CPNE8: variants seen among roughly 807,000 people sequenced by gnomAD.
The protein encoded by CPNE8 is copine-8.
A neutral mutation model predicts 81.5 loss-of-function variants in CPNE8; 45 were observed. The observed-to-expected ratio is 0.55, with a 90% CI of 0.44 to 0.71. CPNE8 has a LOEUF of 0.71. Ranked by LOEUF, CPNE8 falls within the 30% of genes least tolerant of loss-of-function variation. The pLI is 0.00. For synonymous variants in CPNE8, 252 were observed against 226.3 expected (o/e 1.11, Z -1.02); for missense variants, 594 against 672.1 (o/e 0.88, Z 1.28).
intron 6 of CPNE8, among the ~76,000 whole-genome samples, chr12:38,801,005 C>T (rs1345582376): frequency 2.1e-4 from 32 of 149,396 alleles, no homozygotes; most frequent in Non-Finnish European, 2.4e-4. Context: ...TATGGGACTA[C>T]GTGAAAAGAC....
intron 6 of CPNE8, among the ~76,000 whole-genome samples, chr12:38,781,868 C>T (rs550238790): frequency 6.6e-5 from 10 of 152,154 alleles, no homozygotes; most frequent in African/African-American, 1.9e-4. Flanking sequence ...AATTTAGGGA[C>T]ATTCTACAAA....
chr12:38,696,380 A>G (rs1939798447), intron 14 of CPNE8, among the ~76,000 whole-genome samples: 1 of 152,158 alleles, frequency 6.6e-6, no homozygotes, highest in Non-Finnish European at 1.5e-5. Flanking sequence ...ACTAAAAAAA[A>G]AAAAAAAATG....
upstream of CPNE8, chr12:38,905,765 C>A: frequency 7.2e-7 from 1 of 1,390,020 alleles, no homozygotes; most frequent in Non-Finnish European, 9.3e-7. Context: ...AAGTGGCGCG[C>A]GGGGATCCCG....
chr12:38,854,203 C>T (rs146947979), intron 3 of CPNE8, among the ~76,000 whole-genome samples: 4 of 151,964 alleles, frequency 2.6e-5, no homozygotes, highest in Non-Finnish European at 5.9e-5. Context: ...AACATACAAA[C>T]ACACACAGCT....
intron 10 of CPNE8, among the ~76,000 whole-genome samples, chr12:38,746,734 G>T (rs1024207200): frequency 6.6e-6 from 1 of 152,070 alleles, no homozygotes; most frequent in Non-Finnish European, 1.5e-5. Flanking sequence ...CAAAATCATC[G>T]TCATAAAGCA....
intron 1 of CPNE8, among the ~76,000 whole-genome samples, chr12:38,895,389 A>G (rs1299627368): frequency 1.3e-5 from 2 of 152,080 alleles, no homozygotes; most frequent in South Asian, 2.1e-4. Flanking sequence ...TGAATGTCAC[A>G]TAGTCATTTC....
intron 10 of CPNE8, among the ~76,000 whole-genome samples, chr12:38,751,481 G>A (rs1181298285): frequency 1.3e-5 from 2 of 151,874 alleles, no homozygotes; most frequent in African/African-American, 4.8e-5. Flanking sequence ...TTTGTTGTAC[G>A]ATATTTTTAC....
chr12:38,815,399 T>A (rs1458940361), intron 6 of CPNE8, among the ~76,000 whole-genome samples: 1 of 152,236 alleles, frequency 6.6e-6, no homozygotes, highest in Non-Finnish European at 1.5e-5. Context: ...TATTATCTAA[T>A]CCTCTATCAC....
At chr12:38,798,092 CAG>C (rs1426999736) in intron 6 of CPNE8, among the ~76,000 whole-genome samples, 2 of 152,122 alleles carry the variant, frequency 1.3e-5, no homozygotes, top group African/African-American at 4.8e-5. Flanking sequence ...CTGAAAGTGA[CAG>C]GGAGAATGGA....
intron 1 of CPNE8, among the ~76,000 whole-genome samples, chr12:38,874,951 A>C (rs1392639341): frequency 1.3e-5 from 2 of 152,196 alleles, no homozygotes; most frequent in African/African-American, 4.8e-5. Context: ...ATATAATTAG[A>C]ATACAGTTGT....
At chr12:38,754,549 A>C (rs1941420109) in intron 10 of CPNE8, among the ~76,000 whole-genome samples, 2 of 152,146 alleles carry the variant, frequency 1.3e-5, no homozygotes, top group South Asian at 4.1e-4. Flanking sequence ...TTCATAAATT[A>C]ATTAATATAA....
Position 38,652,407 on chromosome 12 carries a change from T to C in CPNE8, c.*1475A>G. 6.5e-6 allele frequency: 1 copy of C among 152,678 alleles called. No individual in the cohort carries two copies. The highest frequency in any genetic ancestry group is 3.4e-3 in the Middle Eastern group (1 of 294). The allele number at this position is 152,678 out of a possible 1,614,324, so 9.5% of individuals were successfully genotyped here. A position where few individuals can be genotyped will look rare whatever the true frequency, so the allele number is the denominator to read the frequency against. On this transcript the variant is annotated 3_prime_UTR_variant, in exon 20 of 20. Transcript: ENST00000331366. ...TAATTAAAAATCAACAATTATTACATAGTTATATAACATTGATACTGTTAG... is the reference window on the plus strand; with the variant it reads ...TAATTAAAAATCAACAATTATTACACAGTTATATAACATTGATACTGTTAG...
chr12:38,699,651 T>C (rs1237204975), intron 14 of CPNE8, among the ~76,000 whole-genome samples: 1 of 152,016 alleles, frequency 6.6e-6, no homozygotes, highest in African/African-American at 2.4e-5. Flanking sequence ...CGAACCACGG[T>C]CTATTTCACC....
chr12:38,840,123 C>A (rs1943444683), intron 4 of CPNE8, among the ~76,000 whole-genome samples, 168 bp from the exon 5 acceptor site: 1 of 152,082 alleles, frequency 6.6e-6, no homozygotes, highest in South Asian at 2.1e-4. Flanking sequence ...GGCTTACATG[C>A]CAGTGGTAGA....
intron 1 of CPNE8, among the ~76,000 whole-genome samples, chr12:38,875,548 G>C (rs1013799398): frequency 5.9e-5 from 9 of 152,082 alleles, no homozygotes; most frequent in Non-Finnish European, 1.2e-4. Flanking sequence ...TACTATTCAT[G>C]TGCATTTATT....
intron 10 of CPNE8, among the ~76,000 whole-genome samples, chr12:38,746,053 C>T (rs1941220510): frequency 2.0e-5 from 3 of 151,928 alleles, no homozygotes; most frequent in Admixed American, 1.3e-4. Context: ...TTTAAGTGGC[C>T]GCAATATGTA....
At chr12:38,715,084 G>C (rs10875991) in intron 13 of CPNE8, among the ~76,000 whole-genome samples, 45,165 of 151,732 alleles carry the variant, frequency 0.3, 8,669 homozygotes, top group Non-Finnish European at 0.42. Flanking sequence ...TTATTTTTTT[G>C]TGAGAAGAAA....
At chr12:38,688,758 A>C (rs536653011) in intron 15 of CPNE8, among the ~76,000 whole-genome samples, 1 of 152,206 alleles carries the variant, frequency 6.6e-6, no homozygotes, top group Admixed American at 6.5e-5. Flanking sequence ...CTCACTTATA[A>C]GTGGGAGCTA....
At chr12:38,716,343 A>C (rs1940391196) in intron 13 of CPNE8, among the ~76,000 whole-genome samples, 1 of 151,960 alleles carries the variant, frequency 6.6e-6, no homozygotes, top group African/African-American at 2.4e-5. Flanking sequence ...ATAGTTAAAT[A>C]AACACTAAGC....
Sources: gnomAD v4.1 joint callset for allele counts (sites outside exome capture counted in the v4.1 genomes callset) on GRCh38, gnomAD v4.1.1 for gene constraint, MANE v1.5 for transcripts, NCBI Gene and HGNC (gene_info 2026-07-23, HGNC 2026-07-21) for gene names.